The following KCNQ3 variants were observed in gnomAD, a reference collection of about 807,000 sequenced individuals.
The protein encoded by KCNQ3 is potassium voltage-gated channel subfamily Q member 3.
KCNQ3 carries 30 observed loss-of-function variants against 92.5 expected under a neutral mutation model. The ratio of observed to expected loss-of-function variants is 0.32; its 90% CI spans 0.24 to 0.44. The LOEUF (loss-of-function observed/expected upper bound fraction) is 0.44. Ranked by LOEUF, KCNQ3 falls within the 20% of genes least tolerant of loss-of-function variation. The pLI, the probability that KCNQ3 is intolerant of heterozygous loss-of-function variation, is 1.00. For missense variants in KCNQ3, 913 were observed against 1,140.3 expected, an observed-to-expected ratio of 0.80 and a Z score of 2.87; for synonymous variants, 450 against 468.8, an observed-to-expected ratio of 0.96 and a Z score of 0.52.
chr8:132,467,590 G>T (rs1360857574), intron 1 of KCNQ3, among the ~76,000 whole-genome samples: 1 of 152,068 alleles, frequency 6.6e-6, no homozygotes, highest in Non-Finnish European at 1.5e-5. Context: ...GTCCATGTAG[G>T]GATGCCTGAT....
At chr8:132,149,290 C>A (rs1203557306) in intron 9 of KCNQ3, among the ~76,000 whole-genome samples, 1 of 152,206 alleles carries the variant, frequency 6.6e-6, no homozygotes, top group Non-Finnish European at 1.5e-5. Context: ...CGGGGAGGAG[C>A]CTGGCCTCTC....
chr8:132,384,319 G>A (rs986139488), intron 1 of KCNQ3, among the ~76,000 whole-genome samples: 5 of 152,152 alleles, frequency 3.3e-5, no homozygotes, highest in African/African-American at 7.2e-5. Context: ...ATGAATAAAC[G>A]AAAGGATGAA....
intron 1 of KCNQ3, among the ~76,000 whole-genome samples, chr8:132,407,212 C>T (rs1820508279): frequency 6.6e-6 from 1 of 152,158 alleles, no homozygotes; most frequent in South Asian, 2.1e-4. Context: ...GCAAAGAGCC[C>T]TCCTTCAGGC....
chr8:132,189,617 G>A (rs577020817), intron 1 of KCNQ3, among the ~76,000 whole-genome samples: 2 of 151,980 alleles, frequency 1.3e-5, no homozygotes, highest in South Asian at 4.2e-4. Context: ...GCCTGAGGTC[G>A]GGAGTTCGAG....
intron 1 of KCNQ3, among the ~76,000 whole-genome samples, chr8:132,351,319 A>G (rs542232007): frequency 6.6e-5 from 10 of 152,306 alleles, no homozygotes; most frequent in African/African-American, 2.4e-4. Flanking sequence ...GTGACCTCAA[A>G]GACCATTCCC....
At chr8:132,425,286 T>C (rs1489476236) in intron 1 of KCNQ3, among the ~76,000 whole-genome samples, 1 of 152,250 alleles carries the variant, frequency 6.6e-6, no homozygotes, top group Admixed American at 6.5e-5. Flanking sequence ...TAAATCATTA[T>C]ACACATTGCC....
intron 1 of KCNQ3, among the ~76,000 whole-genome samples, chr8:132,388,057 GAGA>G (rs992888015): frequency 7.3e-5 from 11 of 150,960 alleles, no homozygotes; most frequent in East Asian, 1.9e-4. Context: ...AGAAGAAGAA[GAGA>G]AGAAGAAGAA....
At chr8:132,396,559 A>C (rs952853182) in intron 1 of KCNQ3, among the ~76,000 whole-genome samples, 1 of 152,168 alleles carries the variant, frequency 6.6e-6, no homozygotes, top group Non-Finnish European at 1.5e-5. Flanking sequence ...GTAGTTCAAA[A>C]ATCTAGATAC....
chr8:132,287,413 C>T (rs1816707399), intron 1 of KCNQ3, among the ~76,000 whole-genome samples: 1 of 152,184 alleles, frequency 6.6e-6, no homozygotes, highest in South Asian at 2.1e-4. Flanking sequence ...AAATTTTACT[C>T]ATAGATATGT....
At chr8:132,244,920 C>CAAAAAAA (rs35215337) in intron 1 of KCNQ3, among the ~76,000 whole-genome samples, 1 of 112,378 alleles carries the variant, frequency 8.9e-6, no homozygotes, top group African/African-American at 3.7e-5. Context: ...CTCACTTGAC[C>CAAAAAAA]AAAAAAAAAA....
intron 1 of KCNQ3, among the ~76,000 whole-genome samples, chr8:132,348,876 A>G (rs1326614113): frequency 6.6e-6 from 1 of 152,218 alleles, no homozygotes; most frequent in Non-Finnish European, 1.5e-5. Flanking sequence ...ACTTGCTTTC[A>G]CTGTAACATA....
intron 1 of KCNQ3, among the ~76,000 whole-genome samples, chr8:132,231,864 C>T (rs1202991826): frequency 6.6e-6 from 1 of 152,084 alleles, no homozygotes; most frequent in Non-Finnish European, 1.5e-5. Context: ...GACTTCAGAC[C>T]CTAATAGTTG....
At chr8:132,311,215 G>A (rs1817582710) in intron 1 of KCNQ3, among the ~76,000 whole-genome samples, 1 of 152,142 alleles carries the variant, frequency 6.6e-6, no homozygotes. Context: ...AAGCCTGGTA[G>A]ATTAAAGTGA....
intron 1 of KCNQ3, among the ~76,000 whole-genome samples, chr8:132,323,757 G>C (rs946572067): frequency 2.6e-5 from 4 of 151,866 alleles, no homozygotes; most frequent in South Asian, 2.1e-4. Flanking sequence ...CCCATTCTCA[G>C]GTAAGCCATC....
chr8:132,195,292 C>G (rs1410812714), intron 1 of KCNQ3, among the ~76,000 whole-genome samples: 1 of 152,216 alleles, frequency 6.6e-6, no homozygotes, highest in Non-Finnish European at 1.5e-5. Context: ...CAAAATGATT[C>G]CATCTCTTAA....
At chr8:132,432,578 C>T (rs1821281456) in intron 1 of KCNQ3, among the ~76,000 whole-genome samples, 2 of 152,122 alleles carry the variant, frequency 1.3e-5, no homozygotes, top group African/African-American at 4.8e-5. Flanking sequence ...ATTCCAAACT[C>T]GACTCCACAG....
chr8:132,188,195 G>T (rs1309391942), intron 1 of KCNQ3, among the ~76,000 whole-genome samples: 1 of 152,178 alleles, frequency 6.6e-6, no homozygotes, highest in East Asian at 1.9e-4. Context: ...GGGGAATGAG[G>T]ATAATGAATC....
At chr8:132,347,202 T>C (rs938644331) in intron 1 of KCNQ3, among the ~76,000 whole-genome samples, 2 of 152,192 alleles carry the variant, frequency 1.3e-5, no homozygotes, top group African/African-American at 4.8e-5. Context: ...CAAGAATGAA[T>C]AGCCATTGAT....
chr8:132,296,987 C>T (rs1817051973), intron 1 of KCNQ3, among the ~76,000 whole-genome samples: 2 of 152,108 alleles, frequency 1.3e-5, no homozygotes, highest in South Asian at 4.1e-4. Flanking sequence ...AATGGTTGAA[C>T]TAGTTTACAG....
Sources: allele counts gnomAD v4.1 joint callset (sites outside exome capture counted in the v4.1 genomes callset), GRCh38; gene constraint gnomAD v4.1.1; transcripts MANE v1.5; gene names NCBI Gene and HGNC (gene_info 2026-07-23, HGNC 2026-07-21).